LAMA2: variants seen among roughly 807,000 people sequenced by gnomAD.
LAMA2 encodes laminin subunit alpha-2.
LAMA2 carries 269 observed loss-of-function variants against 364.8 expected under a neutral mutation model. That is an observed-to-expected ratio of 0.74 (90% CI 0.67 to 0.82). The LOEUF is 0.82. LAMA2 is among the 40% of genes least tolerant of loss of function. LAMA2 has a pLI of 0.00. For synonymous variants in LAMA2, 1,379 were observed against 1,370.6 expected, an observed-to-expected ratio of 1.01 and a Z score of -0.14; for missense variants, 3,807 against 3,873.2, an observed-to-expected ratio of 0.98 and a Z score of 0.45.
At chr6:129,316,690 G>T (rs1774635122) in intron 27 of LAMA2, among the ~76,000 whole-genome samples, 1 of 152,182 alleles carries the variant, frequency 6.6e-6, no homozygotes, top group East Asian at 1.9e-4. Context: ...CAGCAAGAAT[G>T]AATGCAATGT....
intron 8 of LAMA2, among the ~76,000 whole-genome samples, chr6:129,163,425 G>A (rs1020196438): frequency 7.2e-5 from 11 of 152,168 alleles, no homozygotes; most frequent in Admixed American, 3.9e-4. Context: ...CTTGCGGTCA[G>A]GAGTTTAAGA....
intron 3 of LAMA2, among the ~76,000 whole-genome samples, chr6:129,070,764 A>G: frequency 6.6e-6 from 1 of 152,190 alleles, no homozygotes; most frequent in East Asian, 1.9e-4. Flanking sequence ...TTAATGGCAT[A>G]TAGTGAAGTT....
At chr6:129,135,186 G>T (rs1488846158) in intron 4 of LAMA2, among the ~76,000 whole-genome samples, 1 of 152,160 alleles carries the variant, frequency 6.6e-6, no homozygotes, top group South Asian at 2.1e-4. Flanking sequence ...ACAGGAGGAC[G>T]ATAAAGAGGA....
In LAMA2 at chr6:129,320,606, T is replaced by C; in HGVS notation, c.4127T>C (p.Leu1376Ser). ...RGTTMTPPAD[L>S]IEKCDCPLGY... ...ACAACAATGACTCCTCCAGCTGACT[T>C]GATTGAAAAATGTGATTGTCCCCTG... The change falls in exon 28 of 65, where the codon TTG (leucine) becomes TCG (serine). Residue 1376 changes from leucine to serine, a missense_variant. Transcript: ENST00000421865. 2.5e-6 allele frequency: 4 copies of C among 1,613,744 alleles called. No homozygotes were observed. The highest frequency in any genetic ancestry group is 3.4e-6 in the Non-Finnish European group (4 of 1,179,694).
At chr6:129,034,106 G>A (rs7769389) in intron 1 of LAMA2, among the ~76,000 whole-genome samples, 87,623 of 151,926 alleles carry the variant, frequency 0.58, 29,237 homozygotes, top group East Asian at 0.96. Flanking sequence ...ACAGAAGCAG[G>A]GTATAGTATG....
chr6:129,016,391 T>C (rs1479801372), intron 1 of LAMA2, among the ~76,000 whole-genome samples: 1 of 152,038 alleles, frequency 6.6e-6, no homozygotes, highest in Non-Finnish European at 1.5e-5. Flanking sequence ...AGAATGCTCA[T>C]AACAGCACTA....
intron 1 of LAMA2, among the ~76,000 whole-genome samples, chr6:128,965,760 A>G (rs554084558): frequency 7.4e-4 from 113 of 152,084 alleles, no homozygotes; most frequent in Non-Finnish European, 1.4e-3. Flanking sequence ...TTATTTTACA[A>G]TGTTTACAAG....
chr6:129,449,930 G>A (rs1357119690), intron 45 of LAMA2, among the ~76,000 whole-genome samples: 2 of 151,588 alleles, frequency 1.3e-5, no homozygotes, highest in African/African-American at 2.4e-5. Flanking sequence ...AGCCTCCTGA[G>A]TAGCTGGGAC....
intron 17 of LAMA2, among the ~76,000 whole-genome samples, chr6:129,272,990 T>C (rs1373643060): frequency 6.6e-6 from 1 of 152,160 alleles, no homozygotes; most frequent in Non-Finnish European, 1.5e-5. Flanking sequence ...TAATGTATGT[T>C]AGTGATCAGA....
intron 28 of LAMA2, among the ~76,000 whole-genome samples, chr6:129,325,109 C>G (rs1775195131): frequency 6.6e-6 from 1 of 152,192 alleles, no homozygotes; most frequent in Non-Finnish European, 1.5e-5. Context: ...TAGGTCTCTA[C>G]AGTCTGCTTC....
chr6:129,453,822 G>A (rs1782812560), intron 46 of LAMA2, among the ~76,000 whole-genome samples: 1 of 151,992 alleles, frequency 6.6e-6, no homozygotes, highest in Admixed American at 6.6e-5. Context: ...AATAATAATG[G>A]ATTCTGAATT....
intron 12 of LAMA2, among the ~76,000 whole-genome samples, chr6:129,234,487 AAG>A (rs1401462747): frequency 3.3e-5 from 5 of 152,202 alleles, no homozygotes; most frequent in Non-Finnish European, 7.3e-5. Flanking sequence ...AAGTTGAAAA[AAG>A]AATTATTAGT....
intron 61 of LAMA2, 71 bp from the exon 62 acceptor site, chr6:129,507,418 T>C (rs1361951874): frequency 6.7e-7 from 1 of 1,500,716 alleles, no homozygotes; most frequent in African/African-American, 1.4e-5. Flanking sequence ...ACCCTGCAAA[T>C]GACTGTATTC....
chr6:129,394,463 G>A (rs1779496587), intron 37 of LAMA2, among the ~76,000 whole-genome samples: 1 of 152,136 alleles, frequency 6.6e-6, no homozygotes, highest in Non-Finnish European at 1.5e-5. Context: ...TCCCTCTTCT[G>A]GGACTTAGCC....
At chr6:129,160,805 TA>T (rs1453289102) in intron 8 of LAMA2, among the ~76,000 whole-genome samples, 4 of 151,906 alleles carry the variant, frequency 2.6e-5, no homozygotes, top group Non-Finnish European at 5.9e-5. Context: ...TCTTGTGATT[TA>T]TTTTTTGTTA....
intron 10 of LAMA2, among the ~76,000 whole-genome samples, chr6:129,187,741 C>T (rs989519662): frequency 6.6e-6 from 1 of 151,776 alleles, no homozygotes; most frequent in Non-Finnish European, 1.5e-5. Context: ...ACTGGCTGAT[C>T]ATTCCTAATC....
At chr6:129,182,055 A>T (rs183524508) in intron 10 of LAMA2, among the ~76,000 whole-genome samples, 1 of 152,014 alleles carries the variant, frequency 6.6e-6, no homozygotes, top group Admixed American at 6.6e-5. Context: ...CAGAAGAATC[A>T]ATCTATAAAA....
intron 1 of LAMA2, among the ~76,000 whole-genome samples, chr6:128,950,224 G>A (rs1780727290): frequency 6.6e-6 from 1 of 152,078 alleles, no homozygotes; most frequent in South Asian, 2.1e-4. Context: ...TGGAGAATGG[G>A]GCACTCAGAG....
intron 4 of LAMA2, among the ~76,000 whole-genome samples, chr6:129,107,639 A>G (rs1407886308): frequency 6.6e-6 from 1 of 152,202 alleles, no homozygotes; most frequent in Admixed American, 6.5e-5. Context: ...AATGATGGCT[A>G]GCATTTGTTG....
Sources: gnomAD v4.1 joint callset for allele counts (sites outside exome capture counted in the v4.1 genomes callset) on GRCh38, gnomAD v4.1.1 for gene constraint, MANE v1.5 for transcripts, NCBI Gene and HGNC (gene_info 2026-07-23, HGNC 2026-07-21) for gene names.